The following SLIT3 variants were observed in gnomAD, a reference collection of about 807,000 sequenced individuals.
The protein encoded by SLIT3 is slit guidance ligand 3.
Under a neutral mutation model 184.0 loss-of-function variants are expected in SLIT3, and 68 were observed. The observed-to-expected ratio is 0.37, with a 90% CI of 0.30 to 0.45. The LOEUF is 0.45. SLIT3 is among the 20% of genes least tolerant of loss of function. The pLI is 1.00. For synonymous variants in SLIT3, 831 were observed against 828.6 expected, an observed-to-expected ratio of 1.00 and a Z score of -0.05; for missense variants, 1,707 against 2,026.0, an observed-to-expected ratio of 0.84 and a Z score of 3.02.
chr5:169,158,342 A>AAAAGATC, intron 4 of SLIT3, among the ~76,000 whole-genome samples: 1 of 152,292 alleles, frequency 6.6e-6, no homozygotes, highest in South Asian at 2.1e-4. Flanking sequence ...GGGCTGAAAG[A>AAAAGATC]AAAGATCTGT....
intron 20 of SLIT3, 62 bp downstream of exon 20, chr5:168,748,240 G>T (rs1213548207): frequency 1.4e-6 from 2 of 1,428,320 alleles, no homozygotes; most frequent in South Asian, 1.7e-5. Flanking sequence ...CTGGGGTAAA[G>T]TATGGAGGAT....
chr5:168,981,368 G>C (rs1423802896), intron 4 of SLIT3, among the ~76,000 whole-genome samples: 1 of 152,166 alleles, frequency 6.6e-6, no homozygotes, highest in Non-Finnish European at 1.5e-5. Flanking sequence ...GACAGGTGAA[G>C]ATGACAGATT....
chr5:169,037,033 C>T (rs374300997), intron 4 of SLIT3, among the ~76,000 whole-genome samples: 1 of 152,200 alleles, frequency 6.6e-6, no homozygotes, highest in Non-Finnish European at 1.5e-5. Context: ...CAAACCACTG[C>T]TAATTGACCA....
At chr5:168,919,030 G>A (rs969760754) in intron 4 of SLIT3, among the ~76,000 whole-genome samples, 3 of 152,068 alleles carry the variant, frequency 2.0e-5, no homozygotes, top group Non-Finnish European at 4.4e-5. Context: ...GGAGGCTGAG[G>A]CGGGTGGATC....
At chr5:169,099,960 G>A (rs1419554961) in intron 4 of SLIT3, among the ~76,000 whole-genome samples, 1 of 152,230 alleles carries the variant, frequency 6.6e-6, no homozygotes, top group East Asian at 1.9e-4. Flanking sequence ...CTGACCATGA[G>A]CCAGAAAGCA....
At chr5:169,167,078 G>T (rs529578375) in intron 4 of SLIT3, among the ~76,000 whole-genome samples, 20 of 152,070 alleles carry the variant, frequency 1.3e-4, no homozygotes, top group Middle Eastern at 3.4e-3. Context: ...GCTGAGGTGG[G>T]AGGATTGCTT....
At chr5:169,050,675 G>T (rs938238316) in intron 4 of SLIT3, among the ~76,000 whole-genome samples, 3 of 151,598 alleles carry the variant, frequency 2.0e-5, no homozygotes, top group African/African-American at 7.3e-5. Context: ...TGGATACTAC[G>T]CAGCCTATAA....
intron 4 of SLIT3, among the ~76,000 whole-genome samples, chr5:169,095,928 G>A (rs1003977128): frequency 6.6e-6 from 1 of 152,168 alleles, no homozygotes; most frequent in African/African-American, 2.4e-5. Context: ...GCATTCTCCT[G>A]ATCATAATGC....
chr5:168,990,541 C>G (rs1250929109), intron 4 of SLIT3, among the ~76,000 whole-genome samples: 3 of 152,160 alleles, frequency 2.0e-5, no homozygotes, highest in South Asian at 2.1e-4. Flanking sequence ...TCTCCCTGCC[C>G]CAGCCCAGTG....
At chr5:168,982,852 T>C (rs919437160) in intron 4 of SLIT3, among the ~76,000 whole-genome samples, 1 of 152,050 alleles carries the variant, frequency 6.6e-6, no homozygotes, top group Non-Finnish European at 1.5e-5. Context: ...TGATGGAGGG[T>C]TAATGGATTG....
chr5:168,843,032 C>T (rs986008157), intron 6 of SLIT3, among the ~76,000 whole-genome samples: 12 of 152,294 alleles, frequency 7.9e-5, no homozygotes, highest in Admixed American at 5.2e-4. Context: ...CTCTGGCAGA[C>T]GGGCATTTGT....
intron 4 of SLIT3, among the ~76,000 whole-genome samples, chr5:169,135,469 AT>A (rs1256693312): frequency 6.6e-6 from 1 of 152,104 alleles, no homozygotes; most frequent in Non-Finnish European, 1.5e-5. Context: ...CATAAGACCA[AT>A]TTAGCAGCTG....
At chr5:169,066,037 C>T (rs772172545) in intron 4 of SLIT3, among the ~76,000 whole-genome samples, 6 of 152,158 alleles carry the variant, frequency 3.9e-5, no homozygotes, top group Admixed American at 6.5e-5. Flanking sequence ...CAGAGAGGTG[C>T]GGTAACCTGG....
At chr5:169,093,805 T>C (rs539966438) in intron 4 of SLIT3, among the ~76,000 whole-genome samples, 19 of 152,340 alleles carry the variant, frequency 1.2e-4, no homozygotes, top group South Asian at 1.0e-3. Context: ...TTGATCACAA[T>C]TGCAATACAA....
chr5:169,268,239 T>C (rs1766467497), intron 1 of SLIT3, among the ~76,000 whole-genome samples: 1 of 152,204 alleles, frequency 6.6e-6, no homozygotes, highest in South Asian at 2.1e-4. Flanking sequence ...GGGAATGTGA[T>C]GCAACTTGGT....
chr5:169,182,865 AAAG>A (rs1454360217), intron 4 of SLIT3, among the ~76,000 whole-genome samples: 1 of 152,220 alleles, frequency 6.6e-6, no homozygotes, highest in Non-Finnish European at 1.5e-5. Flanking sequence ...CGTTCTTAAC[AAAG>A]AGATGACTAT....
chr5:168,814,792 T>C (rs1757277745), intron 8 of SLIT3, among the ~76,000 whole-genome samples: 1 of 152,354 alleles, frequency 6.6e-6, no homozygotes, highest in East Asian at 1.9e-4. Flanking sequence ...ACCCACGTAA[T>C]AGCAGAAGTC....
At chr5:169,057,769 TCACACTC>T (rs946366735) in intron 4 of SLIT3, among the ~76,000 whole-genome samples, 1 of 152,140 alleles carries the variant, frequency 6.6e-6, no homozygotes, top group Non-Finnish European at 1.5e-5. Flanking sequence ...ATGATAAGGC[TCACACTC>T]CACACTCCAC....
chr5:168,840,614 T>C (rs1175427177), intron 6 of SLIT3, among the ~76,000 whole-genome samples: 1 of 152,164 alleles, frequency 6.6e-6, no homozygotes, highest in Non-Finnish European at 1.5e-5. Context: ...TCTTGGCATA[T>C]TCAACTGCAG....
Sources: gnomAD v4.1 joint callset for allele counts (sites outside exome capture counted in the v4.1 genomes callset) on GRCh38, gnomAD v4.1.1 for gene constraint, MANE v1.5 for transcripts, NCBI Gene and HGNC (gene_info 2026-07-23, HGNC 2026-07-21) for gene names.